The following ARNT2 variants were observed in gnomAD, a reference collection of about 807,000 sequenced individuals.
The protein encoded by ARNT2 is ARNT protein 2.
ARNT2 carries 36 observed loss-of-function variants against 91.7 expected under a neutral mutation model. The ratio of observed to expected loss-of-function variants is 0.39; its 90% CI spans 0.30 to 0.52. The LOEUF is 0.52. Among genes scored for constraint, ARNT2 ranks in the 20% least tolerant of loss-of-function variants. The probability of loss-of-function intolerance (pLI) is 0.72; values close to 1 mark genes in which losing one functional copy is unlikely to be tolerated. For missense variants in ARNT2, 775 were observed against 939.3 expected, an observed-to-expected ratio of 0.83 and a Z score of 2.29; for synonymous variants, 365 against 347.1, an observed-to-expected ratio of 1.05 and a Z score of -0.57.
intron 18 of ARNT2, among the ~76,000 whole-genome samples, chr15:80,593,082 T>C (rs1430305785): frequency 6.6e-6 from 1 of 152,214 alleles, no homozygotes; most frequent in African/African-American, 2.4e-5. Flanking sequence ...TATTCCCGTT[T>C]TCTGGATGGG....
At chr15:80,573,670 T>G (rs1362540949) in intron 12 of ARNT2, among the ~76,000 whole-genome samples, 1 of 152,238 alleles carries the variant, frequency 6.6e-6, no homozygotes, top group Non-Finnish European at 1.5e-5. Flanking sequence ...CATTTGCCAG[T>G]TGGCTGACCT....
chr15:80,491,759 C>G (rs1897059454), intron 5 of ARNT2, among the ~76,000 whole-genome samples: 1 of 142,664 alleles, frequency 7.0e-6, no homozygotes, highest in Admixed American at 7.1e-5. Context: ...TGTAAAGTGA[C>G]TTCACAAATA....
chr15:80,482,723 G>A (rs1896908944), intron 5 of ARNT2, among the ~76,000 whole-genome samples: 1 of 152,172 alleles, frequency 6.6e-6, no homozygotes, highest in Non-Finnish European at 1.5e-5. Flanking sequence ...ATCCTGTGTA[G>A]TCTAGTGGAG....
chr15:80,517,932 G>A (rs1157913209), intron 8 of ARNT2, among the ~76,000 whole-genome samples: 1 of 152,042 alleles, frequency 6.6e-6, no homozygotes, highest in Non-Finnish European at 1.5e-5. Context: ...GAGTTTATAA[G>A]TTATTAATCA....
chr15:80,557,702 A>C (rs1275436489), intron 11 of ARNT2, among the ~76,000 whole-genome samples: 1 of 152,060 alleles, frequency 6.6e-6, no homozygotes, highest in Non-Finnish European at 1.5e-5. Context: ...GCCAGAAACC[A>C]AGAAACATCC....
intron 1 of ARNT2, among the ~76,000 whole-genome samples, chr15:80,439,167 G>A (rs1896146155): frequency 6.6e-6 from 1 of 151,936 alleles, no homozygotes; most frequent in South Asian, 2.1e-4. Context: ...TACATACAAG[G>A]AGCTTTTTAA....
In ARNT2 at chr15:80,581,410, T is replaced by C. The variant is rs1345560503; in HGVS notation, c.1918+6T>C. ...CAACAGGACTCCAGGGTTCGGTAGG[T>C]GGGGAATGAGGGAGTGAGATTCTGG... On this transcript the variant is annotated splice_donor_region_variant and intron_variant, in intron 17 of 18. Transcript: ENST00000303329. The C allele has an allele frequency of 6.2e-7, 1 of 1,613,700 alleles. No homozygotes were observed. The highest frequency in any genetic ancestry group is 1.1e-5 in the South Asian group (1 of 91,038).
intron 8 of ARNT2, among the ~76,000 whole-genome samples, chr15:80,535,752 A>C (rs1392652701): frequency 6.8e-6 from 1 of 147,486 alleles, no homozygotes; most frequent in South Asian, 2.1e-4. Flanking sequence ...TGTCTGTTTA[A>C]ATAAAAGGCC....
chr15:80,562,858 A>C (rs1304018941), intron 11 of ARNT2: 1 of 622,052 alleles, frequency 1.6e-6, no homozygotes, highest in African/African-American at 1.8e-5. Flanking sequence ...TTGCTTTCTC[A>C]TACCGTGGTT....
chr15:80,506,353 A>G (rs1897276098), intron 5 of ARNT2, among the ~76,000 whole-genome samples: 1 of 152,196 alleles, frequency 6.6e-6, no homozygotes, highest in African/African-American at 2.4e-5. Context: ...AATTCCAACA[A>G]GGATAAGTGA....
chr15:80,467,842 G>A (rs75404623), intron 3 of ARNT2, among the ~76,000 whole-genome samples: 4,269 of 152,226 alleles, frequency 0.028, 184 homozygotes, highest in African/African-American at 0.096. Flanking sequence ...TGCAGGAGAC[G>A]TTGGTGAAGA....
chr15:80,555,499 G>A (rs1000175835), intron 11 of ARNT2: 3 of 206,326 alleles, frequency 1.5e-5, no homozygotes, highest in African/African-American at 6.7e-5. Flanking sequence ...ATTCTAGACT[G>A]AAGGGGCAGC....
intron 1 of ARNT2, among the ~76,000 whole-genome samples, chr15:80,442,339 C>G: frequency 6.6e-6 from 1 of 152,184 alleles, no homozygotes; most frequent in East Asian, 1.9e-4. Flanking sequence ...TCAGATCTTC[C>G]CAGCCTTCCC....
At chr15:80,459,713 C>T (rs56366404) in intron 3 of ARNT2, among the ~76,000 whole-genome samples, 24,751 of 152,176 alleles carry the variant, frequency 0.16, 2,603 homozygotes, top group Non-Finnish European at 0.24. Context: ...ATCTCATGAC[C>T]GTGTCTGTGA....
chr15:80,541,459 G>A (rs968227008), intron 8 of ARNT2, among the ~76,000 whole-genome samples: 2 of 152,082 alleles, frequency 1.3e-5, no homozygotes, highest in African/African-American at 4.8e-5. Context: ...CCTGTTGATA[G>A]TTTCATTTGC....
In ARNT2 at chr15:80,597,298, A is replaced by G. The variant is rs370730449; in HGVS notation, c.*3600A>G. Reference sequence around the variant, plus strand: ...TGCTCCGTCACGGTTCTGACCTACCACATAAACAGGAAGAAGCCAGTGACC... The same window carrying G: ...TGCTCCGTCACGGTTCTGACCTACCGCATAAACAGGAAGAAGCCAGTGACC... On this transcript the variant is annotated 3_prime_UTR_variant, in exon 19 of 19. Transcript: ENST00000303329. 1.9e-6 allele frequency: 1 copy of G among 518,538 alleles called. No individual in the cohort carries two copies. The highest frequency in any genetic ancestry group is 1.9e-5 in the African/African-American group (1 of 51,822). The allele number at this position is 518,538 out of a possible 1,614,324, so 32.1% of individuals were successfully genotyped here. A position where few individuals can be genotyped will look rare whatever the true frequency, so the allele number is the denominator to read the frequency against.
intron 8 of ARNT2, among the ~76,000 whole-genome samples, chr15:80,530,992 A>C (rs781323277): frequency 6.6e-6 from 1 of 152,160 alleles, no homozygotes. Flanking sequence ...TGTTTAAACT[A>C]TGTTTCCCAA....
chr15:80,469,009 C>T (rs1896696816), intron 3 of ARNT2, among the ~76,000 whole-genome samples: 1 of 152,352 alleles, frequency 6.6e-6, no homozygotes, highest in East Asian at 1.9e-4. Context: ...CATGCAGTGT[C>T]TGGAGGCAGC....
intron 11 of ARNT2, among the ~76,000 whole-genome samples, chr15:80,560,423 C>T (rs1179434027): frequency 6.6e-6 from 1 of 152,182 alleles, no homozygotes; most frequent in Non-Finnish European, 1.5e-5. Context: ...GTCTAAGGTG[C>T]TTAGCCTATA....
Sources: gnomAD v4.1 joint callset for allele counts (sites outside exome capture counted in the v4.1 genomes callset) on GRCh38, gnomAD v4.1.1 for gene constraint, MANE v1.5 for transcripts, NCBI Gene and HGNC (gene_info 2026-07-23, HGNC 2026-07-21) for gene names.